The following MAP3K20 variants were observed in gnomAD, a reference collection of about 807,000 sequenced individuals.
The protein encoded by MAP3K20 is mitogen-activated protein kinase kinase kinase 20.
Under a neutral mutation model 85.7 loss-of-function variants are expected in MAP3K20, and 40 were observed. The observed-to-expected ratio is 0.47, with a 90% CI of 0.36 to 0.61. The LOEUF (loss-of-function observed/expected upper bound fraction) is 0.61, where lower values mean the gene tolerates loss of function less well. Ranked by LOEUF, MAP3K20 falls within the 20% of genes least tolerant of loss-of-function variation. The probability of loss-of-function intolerance (pLI) is 0.00; values close to 1 mark genes in which losing one functional copy is unlikely to be tolerated. For synonymous variants in MAP3K20, 325 were observed against 327.7 expected (o/e 0.99, Z 0.09); for missense variants, 817 against 961.7 (o/e 0.85, Z 1.99).
At chr2:173,228,985 T>C (rs1684455977) in intron 11 of MAP3K20, among the ~76,000 whole-genome samples, 1 of 152,250 alleles carries the variant, frequency 6.6e-6, no homozygotes, top group Non-Finnish European at 1.5e-5. Context: ...TTCTAAAAAT[T>C]ATGTAAGCAT....
At chr2:173,108,037 A>G (rs1374211783) in intron 2 of MAP3K20, among the ~76,000 whole-genome samples, 6 of 152,190 alleles carry the variant, frequency 3.9e-5, no homozygotes, top group Non-Finnish European at 4.4e-5. Context: ...TTTGTTCTCT[A>G]TGGTGGTTTC....
Position 173,182,874 on chromosome 2 carries a change from C to A in MAP3K20, c.268C>A (p.Leu90Ile). Residue 90 changes from leucine to isoleucine, a missense_variant, in exon 4 of 20, where the codon CTC becomes ATC. By Grantham distance (5) the Leu-to-Ile change is conservative. Transcript: ENST00000375213. ...IVTEYASLGS[L>I]YDYINSNRSE... ...AATAGAATATGCTTCTCTGGGATCA[C>A]TCTATGATTACATTAACAGTAACAG... The A allele has an allele frequency of 6.2e-7, 1 of 1,606,690 alleles. No homozygotes were observed. Among genetic ancestry groups the A allele is most frequent in the Non-Finnish European group, 8.5e-7 (1 of 1,177,054 alleles).
intron 2 of MAP3K20, among the ~76,000 whole-genome samples, chr2:173,123,339 A>G (rs1333554282): frequency 6.6e-6 from 1 of 152,172 alleles, no homozygotes; most frequent in Non-Finnish European, 1.5e-5. Context: ...ACCTACCCCC[A>G]CACATATTCC....
At chr2:173,203,079 G>T (rs909834586) in intron 8 of MAP3K20, among the ~76,000 whole-genome samples, 1 of 152,074 alleles carries the variant, frequency 6.6e-6, no homozygotes, top group African/African-American at 2.4e-5. Context: ...ATGGTATATT[G>T]AATTGTCTAG....
chr2:173,197,373 T>C (rs1690880556), intron 7 of MAP3K20, among the ~76,000 whole-genome samples: 2 of 152,226 alleles, frequency 1.3e-5, no homozygotes, highest in Non-Finnish European at 2.9e-5. Context: ...CATAGTCAGC[T>C]TATATGTATA....
chr2:173,246,522 G>A (rs780886101), intron 16 of MAP3K20, among the ~76,000 whole-genome samples: 2 of 152,156 alleles, frequency 1.3e-5, no homozygotes, highest in East Asian at 1.9e-4. Flanking sequence ...AGCTCACCAC[G>A]CAGGAATATT....
At chr2:173,187,525 T>A in intron 4 of MAP3K20, 33 bp from the exon 5 acceptor site, 1 of 1,561,720 alleles carries the variant, frequency 6.4e-7, no homozygotes, top group Non-Finnish European at 8.7e-7. Flanking sequence ...TTGAAAAATA[T>A]TAATAGGCCT....
At chr2:173,184,833 C>T (rs1010955247) in intron 4 of MAP3K20, among the ~76,000 whole-genome samples, 1 of 151,342 alleles carries the variant, frequency 6.6e-6, no homozygotes, top group African/African-American at 2.4e-5. Flanking sequence ...GAGAATCGCT[C>T]AAACCCCAGA....
At chr2:173,234,720 G>A (rs1171166362) in intron 14 of MAP3K20, among the ~76,000 whole-genome samples, 2 of 152,198 alleles carry the variant, frequency 1.3e-5, no homozygotes, top group East Asian at 1.9e-4. Context: ...AAGCAGCTCC[G>A]TCTGCAGAAC....
intron 2 of MAP3K20, among the ~76,000 whole-genome samples, chr2:173,137,059 A>C (rs1688818085): frequency 6.6e-6 from 1 of 152,200 alleles, no homozygotes; most frequent in Non-Finnish European, 1.5e-5. Context: ...TGGTCTTCTC[A>C]ATTTCTCTCC....
intron 2 of MAP3K20, among the ~76,000 whole-genome samples, chr2:173,093,463 G>A (rs1371903927): frequency 6.6e-6 from 1 of 152,170 alleles, no homozygotes; most frequent in African/African-American, 2.4e-5. Flanking sequence ...TTGTTTATGT[G>A]AGAGGAGAAA....
At chr2:173,240,612 A>C (rs1190149611) in intron 16 of MAP3K20, among the ~76,000 whole-genome samples, 3 of 152,228 alleles carry the variant, frequency 2.0e-5, no homozygotes, top group Non-Finnish European at 2.9e-5. Flanking sequence ...AGGGAAATGC[A>C]AATCAAAACC....
At chr2:173,121,098 C>T (rs1406116129) in intron 2 of MAP3K20, among the ~76,000 whole-genome samples, 2 of 152,184 alleles carry the variant, frequency 1.3e-5, no homozygotes, top group East Asian at 3.9e-4. Flanking sequence ...CATATTCTTA[C>T]TTCATCCTGT....
rs779763254 is a variant in MAP3K20 at position 173,238,397 on chromosome 2, G to A, written c.1228G>A (p.Asp410Asn). 11 of 1,612,968 alleles carry A rather than the reference G, an allele frequency of 6.8e-6. No individual in the cohort carries two copies. In the Admixed American group the frequency reaches 1.7e-4, roughly 25 times the overall value. The change falls in exon 15 of 20, where the codon GAT (aspartate) becomes AAT (asparagine). Residue 410 changes from aspartate (D) to asparagine (N), a missense_variant. Coordinates refer to ENST00000375213, the MANE Select transcript of MAP3K20 (RefSeq NM_016653.3). ...FKSAIEKLTH[D>N]YINLFHFPPL... Reference sequence around the variant, plus strand: ...GTCAGCCATTGAGAAATTAACCCATGATTACATAAATTTGTTTCACTTCCC... The same window carrying A: ...GTCAGCCATTGAGAAATTAACCCATAATTACATAAATTTGTTTCACTTCCC...
chr2:173,184,192 GCT>G (rs1408981875), intron 4 of MAP3K20, among the ~76,000 whole-genome samples: 3 of 152,172 alleles, frequency 2.0e-5, no homozygotes, highest in African/African-American at 7.2e-5. Flanking sequence ...ACAAGGACCA[GCT>G]CTCTGTAAGC....
At chr2:173,161,204 C>T (rs898211501) in intron 2 of MAP3K20, among the ~76,000 whole-genome samples, 3 of 152,216 alleles carry the variant, frequency 2.0e-5, no homozygotes, top group Non-Finnish European at 2.9e-5. Flanking sequence ...CCTTGGGCAA[C>T]AGTGCCTACA....
At chr2:173,186,909 T>TTA (rs1690502194) in intron 4 of MAP3K20, among the ~76,000 whole-genome samples, 1 of 152,198 alleles carries the variant, frequency 6.6e-6, no homozygotes, top group South Asian at 2.1e-4. Flanking sequence ...GAAATACAGA[T>TTA]TATCTCAAAG....
chr2:173,167,380 T>C (rs1429578747), intron 2 of MAP3K20, among the ~76,000 whole-genome samples: 1 of 152,234 alleles, frequency 6.6e-6, no homozygotes. Context: ...GCTGACATCA[T>C]GATGTCATTT....
intron 11 of MAP3K20, chr2:173,224,954 T>C (rs918664081): frequency 1.0e-6 from 1 of 971,528 alleles, no homozygotes; most frequent in Non-Finnish European, 1.2e-6. Flanking sequence ...TCCAACTACT[T>C]GATTTACAAA....
Sources: gnomAD v4.1 joint callset for allele counts (sites outside exome capture counted in the v4.1 genomes callset) on GRCh38, gnomAD v4.1.1 for gene constraint, MANE v1.5 for transcripts, NCBI Gene and HGNC (gene_info 2026-07-23, HGNC 2026-07-21) for gene names.